CHMP1A: variants seen among roughly 807,000 people sequenced by gnomAD.
CHMP1A encodes VPS46 homolog A.
A neutral mutation model predicts 27.0 loss-of-function variants in CHMP1A; 17 were observed. The ratio of observed to expected loss-of-function variants is 0.63; its 90% CI spans 0.43 to 0.95. The LOEUF (loss-of-function observed/expected upper bound fraction) is 0.95. Among genes scored for constraint, CHMP1A ranks in the 40% least tolerant of loss-of-function variants. The pLI is 0.00. For synonymous variants in CHMP1A, 131 were observed against 107.5 expected (o/e 1.22, Z -1.35); for missense variants, 275 against 264.0 (o/e 1.04, Z -0.29).
intron 1 of CHMP1A, among the ~76,000 whole-genome samples, chr16:89,656,365 C>T (rs1328639248): frequency 6.6e-6 from 1 of 151,458 alleles, no homozygotes; most frequent in Non-Finnish European, 1.5e-5. Flanking sequence ...TCTCGATCTC[C>T]TGACCTTGCG....
At chr16:89,652,921 A>T (rs1463085832) in intron 2 of CHMP1A, among the ~76,000 whole-genome samples, 1 of 152,042 alleles carries the variant, frequency 6.6e-6, no homozygotes, top group Non-Finnish European at 1.5e-5. Context: ...ACGTGGGAGG[A>T]ATACTCAGAA....
chr16:89,653,723 G>C (rs1179380724), intron 2 of CHMP1A, among the ~76,000 whole-genome samples, 181 bp downstream of exon 2: 1 of 151,636 alleles, frequency 6.6e-6, no homozygotes, highest in Non-Finnish European at 1.5e-5. Flanking sequence ...TAAGAAAAGA[G>C]CTAATATGTC....
At chr16:89,647,866 C>T (rs372672912) in intron 4 of CHMP1A, among the ~76,000 whole-genome samples, 5 of 14,120 alleles carry the variant, frequency 3.5e-4, no homozygotes, top group African/African-American at 2.9e-3. Context: ...GGAGACCCAG[C>T]GCGGGGTCCG....
chr16:89,652,134 C>T (rs2059829207), intron 2 of CHMP1A, among the ~76,000 whole-genome samples: 1 of 152,232 alleles, frequency 6.6e-6, no homozygotes, highest in South Asian at 2.1e-4. Flanking sequence ...CTGGGCAGCA[C>T]AAGCAGCTTC....
intron 2 of CHMP1A, 145 bp from the exon 3 acceptor site, chr16:89,651,791 A>T: frequency 2.7e-6 from 2 of 746,758 alleles, no homozygotes; most frequent in South Asian, 3.9e-5. Flanking sequence ...AGCACACCGC[A>T]GGGAAGGCGT....
In CHMP1A at chr16:89,657,640, G is replaced by A; in HGVS notation, c.-52C>T. 9 of 1,607,790 alleles carry A rather than the reference G, an allele frequency of 5.6e-6. No homozygotes were observed. The highest frequency in any genetic ancestry group is 7.6e-6 in the Non-Finnish European group (9 of 1,177,912). On this transcript the variant is annotated 5_prime_UTR_variant, in exon 1 of 7. Coordinates refer to ENST00000397901, the MANE Select transcript of CHMP1A (RefSeq NM_002768.5). ...GAGAGGGAGAAGGGACGCCAACTCC[G>A]GGCGGTGTCAGGTCCCGGCGGCGAT... is the stretch of plus-strand genomic sequence containing the variant.
intron 1 of CHMP1A, 73 bp downstream of exon 1, chr16:89,657,509 C>T: frequency 6.3e-7 from 1 of 1,582,388 alleles, no homozygotes; most frequent in Admixed American, 1.8e-5. Flanking sequence ...CCCAGGTGGG[C>T]GGAGCCCACG....
chr16:89,657,273 G>T (rs905272486), intron 1 of CHMP1A, among the ~76,000 whole-genome samples: 2 of 150,182 alleles, frequency 1.3e-5, no homozygotes, highest in African/African-American at 4.9e-5. Flanking sequence ...GTCCCGGGTT[G>T]GTGGTCTAGG....
chr16:89,651,072 G>A lies in CHMP1A; in HGVS notation c.105+497C>T, dbSNP rs1323327269. ...TTATGTGGGAAGCAAATACTTTGAG[G>A]CTCAGAAATCATAGTGAGGATTAGG... On this transcript the variant is annotated intron_variant, in intron 3 of 6. Coordinates refer to ENST00000397901, the MANE Select transcript of CHMP1A (RefSeq NM_002768.5). Among the ~76,000 whole-genome samples, 19 of 152,110 alleles carry A rather than the reference G, an allele frequency of 1.2e-4. No homozygotes were observed. In the East Asian group the frequency reaches 3.7e-3, roughly 30 times the overall value.
chr16:89,654,730 C>CA (rs1240373612), intron 1 of CHMP1A, among the ~76,000 whole-genome samples: 2 of 152,108 alleles, frequency 1.3e-5, no homozygotes, highest in Non-Finnish European at 2.9e-5. Flanking sequence ...AACATGAGGT[C>CA]AGGAGATCGA....
At chr16:89,649,038 T>C (rs545027757) in intron 4 of CHMP1A, 3 of 247,930 alleles carry the variant, frequency 1.2e-5, no homozygotes, top group Non-Finnish European at 1.5e-5. Flanking sequence ...AATATATATT[T>C]AAAAAAAAAA....
chr16:89,646,729 A>G lies in CHMP1A; in HGVS notation c.382-15T>C. On this transcript the variant is annotated splice_polypyrimidine_tract_variant and intron_variant, in intron 5 of 6. Transcript: ENST00000397901. ...TCCTCCATCACCTGGGGGCAGGGGCATGCTCTGGACAACAGGTGGGGCCAG... is the reference window on the plus strand; with the variant it reads ...TCCTCCATCACCTGGGGGCAGGGGCGTGCTCTGGACAACAGGTGGGGCCAG... The G allele has an allele frequency of 6.2e-7, 1 of 1,605,440 alleles. No homozygotes were observed.
intron 3 of CHMP1A, 81 bp from the exon 4 acceptor site, chr16:89,649,578 T>G (rs1302661126): frequency 6.6e-7 from 1 of 1,523,434 alleles, no homozygotes; most frequent in African/African-American, 1.4e-5. Flanking sequence ...TTGTTTTGTT[T>G]TGTTTTGTTT....
intron 6 of CHMP1A, 96 bp downstream of exon 6, chr16:89,646,431 A>T: frequency 7.5e-7 from 1 of 1,324,662 alleles, no homozygotes; most frequent in Non-Finnish European, 1.0e-6. Context: ...GCCTCAGCCC[A>T]AGCTCTCCTC....
Position 89,645,146 on chromosome 16 carries a change from G to A in CHMP1A, c.*920C>T, listed in dbSNP as rs2086293467. 6.6e-6 allele frequency: 1 copy of A among 152,322 alleles called. No homozygotes were observed. Among genetic ancestry groups the A allele is most frequent in the African/African-American group, 2.4e-5 (1 of 41,424 alleles). The allele number at this position is 152,322 out of a possible 1,614,324, so 9.4% of individuals were successfully genotyped here. A position where few individuals can be genotyped will look rare whatever the true frequency, so the allele number is the denominator to read the frequency against. ...CTGGGAAGGCATTGGGGTGTGGTCG[G>A]GGAAGGCACCCAGTTGTTTACAGAT... On this transcript the variant is annotated 3_prime_UTR_variant, in exon 7 of 7. Transcript: ENST00000397901.
intron 5 of CHMP1A, 170 bp from the exon 6 acceptor site, chr16:89,646,884 G>GGCCCCCCCCCCCCCCCCCCCCCCA: frequency 1.4e-6 from 1 of 709,060 alleles, no homozygotes; most frequent in Non-Finnish European, 2.4e-6. Context: ...AGCCTTTCCT[G>GGCCCCCCCCCCCCCCCCCCCCCCA]CCCCCCCACC....
rs2059806721 is a variant in CHMP1A at position 89,649,408 on chromosome 16, C to A, written c.195G>T (p.Met65Ile). 1 of 1,613,604 alleles carries A rather than the reference C, an allele frequency of 6.2e-7. No homozygotes were observed. Among genetic ancestry groups the A allele is most frequent in the African/African-American group, 1.3e-5 (1 of 74,928 alleles). ...AGGCCACTGCGTCTACGCGGGACGC[C>A]ATCCGAAGCCAGTTCACACCTTCGT... ...KKNEGVNWLR[M>I]ASRVDAVASK... The change falls in exon 4 of 7, where the codon ATG becomes ATT. Residue 65 changes from methionine (M) to isoleucine (I), a missense_variant. Met to Ile is a conservative substitution (Grantham distance 10). Coordinates refer to ENST00000397901, the MANE Select transcript of CHMP1A (RefSeq NM_002768.5).
chr16:89,647,607 G>GGACCGCTGTGCTCTCCTGGCCC (rs2059786972), intron 4 of CHMP1A, among the ~76,000 whole-genome samples: 1 of 124,806 alleles, frequency 8.0e-6, no homozygotes, highest in Non-Finnish European at 1.7e-5. Context: ...CCGACGTGGA[G>GGACCGCTGTGCTCTCCTGGCCC]ACCCAGTGCG....
intron 2 of CHMP1A, 100 bp from the exon 3 acceptor site, chr16:89,651,746 C>A (rs541926701): frequency 2.2e-5 from 26 of 1,198,414 alleles, no homozygotes; most frequent in Non-Finnish European, 2.9e-5. Flanking sequence ...TGTGCCCACA[C>A]AGGTTCCTAA....
Sources: allele counts gnomAD v4.1 joint callset (sites outside exome capture counted in the v4.1 genomes callset), GRCh38; gene constraint gnomAD v4.1.1; transcripts MANE v1.5; gene names NCBI Gene and HGNC (gene_info 2026-07-23, HGNC 2026-07-21).